Variants in BANP observed in about 807,000 individuals in gnomAD.
BANP encodes BTG3 associated nuclear protein.
In BANP, 11 loss-of-function variants were observed where a neutral mutation model predicts 68.1. That is an observed-to-expected ratio of 0.16 (90% CI 0.10 to 0.27). The LOEUF (loss-of-function observed/expected upper bound fraction) is 0.27, where lower values mean the gene tolerates loss of function less well. BANP is among the 10% of genes least tolerant of loss of function. The pLI, the probability that BANP is intolerant of heterozygous loss-of-function variation, is 1.00. For missense variants in BANP, 504 were observed against 722.7 expected, an observed-to-expected ratio of 0.70 and a Z score of 3.47; for synonymous variants, 329 against 303.2, an observed-to-expected ratio of 1.09 and a Z score of -0.88.
chr16:88,053,292 C>G (rs1598907449), intron 11 of BANP, among the ~76,000 whole-genome samples: 1 of 151,024 alleles, frequency 6.6e-6, no homozygotes, highest in East Asian at 2.0e-4. Context: ...CCAACACAGT[C>G]CCCTTCACCA....
Position 88,076,643 on chromosome 16 carries a change from G to A in BANP, c.1575G>A (p.Gly525=). ...TLQPEMQLEH[G]AIQIQ ...AGCCGGAGATGCAGCTCGAGCACGG[G>A]GCCATCCAGATTCAGTGAGCGGTGC... is the stretch of plus-strand genomic sequence containing the variant. Residue 525 remains glycine, a synonymous_variant, in exon 14 of 14, where the codon GGG becomes GGA. Transcript: ENST00000682872. 6.2e-7 allele frequency: 1 copy of A among 1,609,928 alleles called. No homozygotes were observed. The highest frequency in any genetic ancestry group is 1.1e-5 in the South Asian group (1 of 91,054).
chr16:88,032,989 A>C, intron 8 of BANP, 120 bp from the exon 9 acceptor site: 3 of 1,146,292 alleles, frequency 2.6e-6, no homozygotes. Context: ...AGGAAAAATG[A>C]AGCATTTCCT....
In BANP at chr16:88,057,733, G is replaced by A. The variant is rs919288426; in HGVS notation, c.1312-7534G>A. ...CTGACTTCTGACAAGTAAGAGAGAT[G>A]GCGGGGCCATCTGGGTGGGGCGGGG... On this transcript the variant is annotated intron_variant, in intron 11 of 13. Transcript: ENST00000682872. This position sits in a 1 kb window ranked among gnomAD's most constrained non-coding sequence, Gnocchi z 4.6. Among the ~76,000 whole-genome samples, 4 of 130,388 alleles carry A rather than the reference G, an allele frequency of 3.1e-5. No homozygotes were observed. Among genetic ancestry groups the A allele is most frequent in the African/African-American group, 1.1e-4 (4 of 36,018 alleles). 85.5% of individuals were successfully genotyped at this position (130,388 alleles called of 152,430 possible). A position where few individuals can be genotyped will look rare whatever the true frequency, so the allele number is the denominator to read the frequency against.
intron 1 of BANP, among the ~76,000 whole-genome samples, chr16:87,964,722 G>C (rs1474189189): frequency 2.7e-5 from 4 of 150,696 alleles, no homozygotes; most frequent in Admixed American, 6.6e-5. Context: ...TATGTGAGCA[G>C]GTCTGAGGGG....
chr16:88,032,669 A>G (rs574021449), intron 8 of BANP, among the ~76,000 whole-genome samples: 4 of 152,376 alleles, frequency 2.6e-5, no homozygotes, highest in African/African-American at 9.6e-5. Flanking sequence ...TACACAGTAC[A>G]TCAAAGCAAA....
intron 11 of BANP, among the ~76,000 whole-genome samples, chr16:88,050,552 G>T (rs915825624): frequency 2.0e-5 from 3 of 152,206 alleles, no homozygotes; most frequent in African/African-American, 7.2e-5. Context: ...CCTAAGTGGC[G>T]TTGCAGCCCA....
At chr16:87,972,486 C>T (rs1460162026) in intron 1 of BANP, among the ~76,000 whole-genome samples, 2 of 151,364 alleles carry the variant, frequency 1.3e-5, no homozygotes, top group East Asian at 1.9e-4. Context: ...TTTTCATTGT[C>T]TGCAGTGATG....
intron 7 of BANP, among the ~76,000 whole-genome samples, chr16:88,020,246 C>T (rs545855318): frequency 3.3e-5 from 5 of 152,226 alleles, no homozygotes; most frequent in African/African-American, 2.4e-5. Context: ...TGAAAGCAGC[C>T]ACAGACGAGG....
intron 12 of BANP, among the ~76,000 whole-genome samples, chr16:88,067,792 A>G (rs907401643): frequency 6.6e-6 from 1 of 152,072 alleles, no homozygotes; most frequent in Admixed American, 6.5e-5. Flanking sequence ...GGTAAACCCC[A>G]GGTCTCCACT....
intron 11 of BANP, among the ~76,000 whole-genome samples, chr16:88,061,341 G>T (rs755520959): frequency 3.3e-5 from 5 of 152,188 alleles, no homozygotes; most frequent in Non-Finnish European, 7.3e-5. Flanking sequence ...CTAAAACGTT[G>T]GATCAGTTGA....
At chr16:87,953,139 C>G (rs1167341280) in intron 1 of BANP, among the ~76,000 whole-genome samples, 1 of 151,726 alleles carries the variant, frequency 6.6e-6, no homozygotes, top group Non-Finnish European at 1.5e-5. Flanking sequence ...AAGGGACTTG[C>G]TCAGATTTAC....
intron 2 of BANP, chr16:87,978,800 A>G (rs1194081223): frequency 2.4e-5 from 9 of 367,522 alleles, no homozygotes; most frequent in Non-Finnish European, 3.3e-5. Flanking sequence ...ATAGAACCCC[A>G]ACCCTCCCAG....
At chr16:87,967,891 G>A (rs959120104) in intron 1 of BANP, among the ~76,000 whole-genome samples, 3 of 151,916 alleles carry the variant, frequency 2.0e-5, no homozygotes, top group African/African-American at 7.3e-5. Flanking sequence ...AAAGTGCTGG[G>A]ATTACAGGTG....
intron 13 of BANP, 116 bp from the exon 14 acceptor site, chr16:88,076,474 C>T (rs1599214238): frequency 1.2e-6 from 1 of 857,052 alleles, no homozygotes. Flanking sequence ...GGCTCCTTCG[C>T]GCTCCTGTGT....
At chr16:87,961,029 T>A (rs745895471) in intron 1 of BANP, among the ~76,000 whole-genome samples, 1 of 152,208 alleles carries the variant, frequency 6.6e-6, no homozygotes, top group Non-Finnish European at 1.5e-5. Context: ...GAACAACATT[T>A]GCAAGAGCTG....
At chr16:87,965,304 C>A (rs1465739104) in intron 1 of BANP, among the ~76,000 whole-genome samples, 1 of 151,902 alleles carries the variant, frequency 6.6e-6, no homozygotes, top group African/African-American at 2.4e-5. Flanking sequence ...TGGGTGGGAT[C>A]TGGAGGGGAT....
intron 11 of BANP, among the ~76,000 whole-genome samples, chr16:88,049,790 T>C (rs566763198): frequency 1.6e-4 from 24 of 152,240 alleles, no homozygotes; most frequent in African/African-American, 5.5e-4. Flanking sequence ...GGCCACACGC[T>C]CAGTGACACG....
chr16:88,022,557 C>G (rs1005048483), intron 7 of BANP, among the ~76,000 whole-genome samples: 3 of 152,232 alleles, frequency 2.0e-5, no homozygotes, highest in Admixed American at 1.3e-4. Context: ...ACACCTGTCC[C>G]TGTGAGTGCA....
intron 9 of BANP, among the ~76,000 whole-genome samples, chr16:88,034,784 G>A (rs1451751814): frequency 6.6e-6 from 1 of 151,534 alleles, no homozygotes; most frequent in Non-Finnish European, 1.5e-5. Flanking sequence ...TTTGTGAAGT[G>A]CTGGAAAATG....
Sources: gnomAD v4.1 joint callset for allele counts (sites outside exome capture counted in the v4.1 genomes callset) on GRCh38, gnomAD v4.1.1 for gene constraint, Gnocchi (gnomAD v3.1) non-coding constraint, MANE v1.5 for transcripts, NCBI Gene and HGNC (gene_info 2026-07-23, HGNC 2026-07-21) for gene names.